The following PTPRD variants were observed in gnomAD, a reference collection of about 807,000 sequenced individuals.
PTPRD encodes the protein receptor-type tyrosine-protein phosphatase delta.
A neutral mutation model predicts 214.5 loss-of-function variants in PTPRD; 34 were observed. That is an observed-to-expected ratio of 0.16 (90% CI 0.12 to 0.21). PTPRD has a LOEUF of 0.21. Among genes scored for constraint, PTPRD ranks in the 10% least tolerant of loss-of-function variants. PTPRD has a pLI of 1.00. For missense variants in PTPRD, 2,545 were observed against 2,398.7 expected, an observed-to-expected ratio of 1.06 and a Z score of -1.27; for synonymous variants, 1,128 against 845.7, an observed-to-expected ratio of 1.33 and a Z score of -5.79.
chr9:10,004,205 T>G (rs1428153301), intron 4 of PTPRD, among the ~76,000 whole-genome samples: 2 of 151,662 alleles, frequency 1.3e-5, no homozygotes, highest in Non-Finnish European at 2.9e-5. Flanking sequence ...AAAATTTAGG[T>G]TGTATATATT....
intron 39 of PTPRD, among the ~76,000 whole-genome samples, chr9:8,354,701 A>T (rs2076531043): frequency 6.6e-6 from 1 of 152,200 alleles, no homozygotes; most frequent in African/African-American, 2.4e-5. Context: ...CGTGGCTGTC[A>T]CTAGGGAGCT....
intron 3 of PTPRD, among the ~76,000 whole-genome samples, chr9:10,270,900 A>G (rs1226709065): frequency 1.3e-5 from 2 of 152,082 alleles, no homozygotes; most frequent in Admixed American, 6.6e-5. Context: ...GTGCAATCAT[A>G]GCTCACTGCA....
At chr9:9,556,971 T>G (rs1416852109) in intron 8 of PTPRD, among the ~76,000 whole-genome samples, 1 of 152,198 alleles carries the variant, frequency 6.6e-6, no homozygotes, top group Non-Finnish European at 1.5e-5. Flanking sequence ...TTCTGTTTGT[T>G]ACTCTATCAC....
intron 3 of PTPRD, among the ~76,000 whole-genome samples, chr9:10,101,104 T>C (rs944570419): frequency 3.3e-5 from 5 of 151,498 alleles, no homozygotes; most frequent in African/African-American, 1.2e-4. Context: ...TACATTCAGA[T>C]GGGACTGACT....
chr9:10,346,205 C>A (rs1185560135), intron 2 of PTPRD, among the ~76,000 whole-genome samples: 1 of 152,104 alleles, frequency 6.6e-6, no homozygotes, highest in Non-Finnish European at 1.5e-5. Context: ...GAATTAGAAG[C>A]AAAACATATT....
chr9:8,985,539 T>C (rs1398133701), intron 11 of PTPRD, among the ~76,000 whole-genome samples: 1 of 151,814 alleles, frequency 6.6e-6, no homozygotes, highest in Non-Finnish European at 1.5e-5. Flanking sequence ...CCAACAATTC[T>C]AAATACAGTA....
At chr9:10,057,462 G>T (rs973696434) in intron 3 of PTPRD, among the ~76,000 whole-genome samples, 1 of 151,636 alleles carries the variant, frequency 6.6e-6, no homozygotes, top group African/African-American at 2.4e-5. Context: ...CCAAACATTC[G>T]CACTCTTTCT....
chr9:9,551,700 G>A (rs916917393), intron 8 of PTPRD, among the ~76,000 whole-genome samples: 2 of 151,904 alleles, frequency 1.3e-5, no homozygotes, highest in Non-Finnish European at 1.5e-5. Flanking sequence ...ATTAGTACAT[G>A]CCAGTCCTAC....
chr9:10,081,631 A>C (rs899812769), intron 3 of PTPRD, among the ~76,000 whole-genome samples: 2 of 152,072 alleles, frequency 1.3e-5, no homozygotes, highest in Non-Finnish European at 2.9e-5. Flanking sequence ...CATAACTATA[A>C]GAAAGAAATT....
At chr9:9,267,713 G>A (rs527675747) in intron 9 of PTPRD, among the ~76,000 whole-genome samples, 3 of 151,044 alleles carry the variant, frequency 2.0e-5, no homozygotes, top group East Asian at 2.0e-4. Flanking sequence ...GGAATGCAAG[G>A]ATGGCTTAAC....
At chr9:10,105,705 T>C (rs1475261128) in intron 3 of PTPRD, among the ~76,000 whole-genome samples, 1 of 151,874 alleles carries the variant, frequency 6.6e-6, no homozygotes, top group Non-Finnish European at 1.5e-5. Context: ...ACTAACATGC[T>C]ACTTGTGTTC....
At chr9:9,338,267 T>C (rs952511503) in intron 9 of PTPRD, among the ~76,000 whole-genome samples, 5 of 152,200 alleles carry the variant, frequency 3.3e-5, no homozygotes, top group African/African-American at 1.2e-4. Context: ...GTAGGCTTAA[T>C]AGTCTATTCC....
intron 7 of PTPRD, among the ~76,000 whole-genome samples, chr9:9,588,315 T>C (rs369504066): frequency 2.6e-5 from 4 of 151,974 alleles, no homozygotes; most frequent in Non-Finnish European, 5.9e-5. Context: ...CCTTTATTCA[T>C]GGCAATGTTT....
At chr9:8,378,246 A>G (rs1486819298) in intron 37 of PTPRD, among the ~76,000 whole-genome samples, 1 of 152,058 alleles carries the variant, frequency 6.6e-6, no homozygotes, top group Non-Finnish European at 1.5e-5. Flanking sequence ...ACTCAAAGAG[A>G]TAACAACATA....
At chr9:10,270,883 T>C (rs1321263929) in intron 3 of PTPRD, among the ~76,000 whole-genome samples, 2 of 152,160 alleles carry the variant, frequency 1.3e-5, no homozygotes, top group African/African-American at 4.8e-5. Context: ...TAGTCTGGAG[T>C]GCAGTGGTGC....
chr9:9,773,985 G>C (rs971946935), intron 5 of PTPRD, among the ~76,000 whole-genome samples: 1 of 152,204 alleles, frequency 6.6e-6, no homozygotes, highest in African/African-American at 2.4e-5. Context: ...CCAGAGGAGT[G>C]AAGTGTTAAT....
At chr9:9,463,404 G>C (rs2093845659) in intron 8 of PTPRD, among the ~76,000 whole-genome samples, 1 of 152,106 alleles carries the variant, frequency 6.6e-6, no homozygotes, top group African/African-American at 2.4e-5. Context: ...GGAAGAGGGA[G>C]ATTTGGAGAG....
At chr9:9,164,801 T>C (rs1592731767) in intron 10 of PTPRD, among the ~76,000 whole-genome samples, 1 of 151,848 alleles carries the variant, frequency 6.6e-6, no homozygotes, top group African/African-American at 2.4e-5. Flanking sequence ...TCTCCTGAGG[T>C]CAGGAGTTCG....
chr9:8,997,517 A>T (rs2154352478), intron 11 of PTPRD, among the ~76,000 whole-genome samples: 1 of 152,222 alleles, frequency 6.6e-6, no homozygotes, highest in African/African-American at 2.4e-5. Flanking sequence ...TTTAACTGAC[A>T]AATGTGAGTG....
Sources: gnomAD v4.1 joint callset for allele counts (sites outside exome capture counted in the v4.1 genomes callset) on GRCh38, gnomAD v4.1.1 for gene constraint, MANE v1.5 for transcripts, NCBI Gene and HGNC (gene_info 2026-07-23, HGNC 2026-07-21) for gene names.